UTS2: variants seen among roughly 807,000 people sequenced by gnomAD.
UTS2 encodes the protein urotensin-2.
A neutral mutation model predicts 12.6 loss-of-function variants in UTS2; 10 were observed. The ratio of observed to expected loss-of-function variants is 0.80; its 90% confidence interval spans 0.49 to 1.35. The LOEUF (loss-of-function observed/expected upper bound fraction) is 1.35. Ranked by LOEUF, UTS2 falls within the 40% of genes most tolerant of loss-of-function variation. UTS2 has a pLI of 0.00. For synonymous variants in UTS2, 52 were observed against 50.0 expected (o/e 1.04, Z -0.17); for missense variants, 142 against 143.2 (o/e 0.99, Z 0.04).
chr1:7,887,035 C>G, the UTS2 span, among the ~76,000 whole-genome samples: 2 of 95,134 alleles, frequency 2.1e-5, no homozygotes, highest in East Asian at 6.0e-4. Context: ...GGCAAGACTC[C>G]GTCTCAAAAA....
chr1:7,862,162 C>T, the UTS2 span, among the ~76,000 whole-genome samples: 13 of 152,030 alleles, frequency 8.6e-5, no homozygotes, highest in Admixed American at 3.9e-4. Context: ...ATTCCCCCCC[C>T]GCCCCCGCAA....
chr1:7,871,878 C>T, the UTS2 span, among the ~76,000 whole-genome samples: 2 of 127,192 alleles, frequency 1.6e-5, no homozygotes, highest in African/African-American at 6.7e-5. Flanking sequence ...CTCTCCCTCT[C>T]CTTGGGCCTC....
At chr1:7,866,225 C>T in the UTS2 span, among the ~76,000 whole-genome samples, 1,309 of 152,274 alleles carry the variant, frequency 8.6e-3, 18 homozygotes, top group African/African-American at 0.03. The surrounding 1 kb of genome is among the most constrained non-coding windows in gnomAD (Gnocchi z 4.5). Flanking sequence ...TGACCTGGCT[C>T]GCCCATCTGG....
chr1:7,892,702 G>A, the UTS2 span, among the ~76,000 whole-genome samples: 8 of 151,646 alleles, frequency 5.3e-5, no homozygotes, highest in Admixed American at 1.3e-4. Flanking sequence ...GCCCAGACCG[G>A]TCTCAAACTC....
the UTS2 span, among the ~76,000 whole-genome samples, chr1:7,864,689 TC>T: frequency 6.6e-6 from 1 of 152,180 alleles, no homozygotes; most frequent in African/African-American, 2.4e-5. Flanking sequence ...ATTCGCACCT[TC>T]CCGTCTCCTT....
the UTS2 span, among the ~76,000 whole-genome samples, chr1:7,889,830 G>T: frequency 6.6e-6 from 1 of 152,122 alleles, no homozygotes; most frequent in Non-Finnish European, 1.5e-5. Context: ...ACTTTGGGAG[G>T]CCAAGGCGGG....
At chr1:7,899,068 A>G in the UTS2 span, among the ~76,000 whole-genome samples, 18,409 of 152,100 alleles carry the variant, frequency 0.12, 2,468 homozygotes, top group East Asian at 0.56. Flanking sequence ...TACATGGCCA[A>G]AACAGGAGGA....
the UTS2 span, among the ~76,000 whole-genome samples, chr1:7,874,808 G>A: frequency 6.6e-6 from 1 of 152,186 alleles, no homozygotes; most frequent in African/African-American, 2.4e-5. Flanking sequence ...TACAGGGGCG[G>A]TTTCCTCCAT....
Position 7,847,779 on chromosome 1 carries a change from T to G in UTS2, c.362A>C (p.Lys121Thr), listed in dbSNP as rs1274022531. 1 of 1,612,604 alleles carries G rather than the reference T, an allele frequency of 6.2e-7. No homozygotes were observed. The highest frequency in any genetic ancestry group is 1.7e-5 in the Admixed American group (1 of 59,940). The change falls in exon 4 of 4, where the codon AAA (lysine) becomes ACA (threonine). Residue 121 changes from lysine to threonine, a missense_variant. Coordinates refer to ENST00000361696, the MANE Select transcript of UTS2 (RefSeq NM_006786.4). ...GCTTATTTCACTTCAGACACAGTAT[T>G]TCCAGAAGCAATCAGGAGTCTCACG... is the stretch of plus-strand genomic sequence containing the variant. The part of the protein sequence containing the change: ...KKRETPDCFW[K>T]YCV
chr1:7,901,340 G>A, the UTS2 span, among the ~76,000 whole-genome samples: 4 of 152,284 alleles, frequency 2.6e-5, no homozygotes, highest in East Asian at 1.9e-4. Flanking sequence ...GGGATTTGTT[G>A]TTTCATTAAA....
the UTS2 span, among the ~76,000 whole-genome samples, chr1:7,895,370 A>C: frequency 0.011 from 1,320 of 124,396 alleles, 16 homozygotes; most frequent in African/African-American, 0.042. Context: ...ACTCCATCCC[A>C]AAAAAATAAA....
the UTS2 span, among the ~76,000 whole-genome samples, chr1:7,860,730 G>A: frequency 2.6e-5 from 4 of 151,732 alleles, no homozygotes; most frequent in East Asian, 2.0e-4. Context: ...CACCATGGTC[G>A]GACTAAATTA....
chr1:7,880,243 G>A, the UTS2 span, among the ~76,000 whole-genome samples: 1 of 152,052 alleles, frequency 6.6e-6, no homozygotes, highest in African/African-American at 2.4e-5. Flanking sequence ...GGGTGACAGA[G>A]CAAGACCCTG....
At chr1:7,859,318 A>G in the UTS2 span, among the ~76,000 whole-genome samples, 2 of 152,306 alleles carry the variant, frequency 1.3e-5, no homozygotes, top group Middle Eastern at 3.4e-3. Flanking sequence ...CTAGTCACCT[A>G]TATTTCAGAT....
upstream of UTS2, among the ~76,000 whole-genome samples, chr1:7,854,694 G>A (rs541277507): frequency 6.6e-6 from 1 of 152,138 alleles, no homozygotes; most frequent in Non-Finnish European, 1.5e-5. Context: ...GTACCTCAGG[G>A]TGACTCTGAT....
chr1:7,877,670 C>T, the UTS2 span, among the ~76,000 whole-genome samples: 58 of 152,008 alleles, frequency 3.8e-4, 1 homozygote, highest in Non-Finnish European at 7.4e-5. Flanking sequence ...GTCAGGAGTT[C>T]GAGACCAGCC....
chr1:7,857,544 G>A (rs1294931934), upstream of UTS2, among the ~76,000 whole-genome samples: 4 of 151,978 alleles, frequency 2.6e-5, no homozygotes, highest in Non-Finnish European at 1.5e-5. Flanking sequence ...AAAATAAAGG[G>A]ATTTTTTTCT....
chr1:7,878,581 C>T, the UTS2 span, among the ~76,000 whole-genome samples: 1 of 151,832 alleles, frequency 6.6e-6, no homozygotes, highest in African/African-American at 2.4e-5. Flanking sequence ...AGTTGCCTAC[C>T]TAAAATGTAT....
the UTS2 span, among the ~76,000 whole-genome samples, chr1:7,901,723 G>A: frequency 3.3e-5 from 5 of 152,016 alleles, no homozygotes; most frequent in East Asian, 7.7e-4. Flanking sequence ...AACGGACTTC[G>A]TGTGAGGAAA....
Sources: gnomAD v4.1 joint callset for allele counts (sites outside exome capture counted in the v4.1 genomes callset) on GRCh38, gnomAD v4.1.1 for gene constraint, Gnocchi (gnomAD v3.1) non-coding constraint, MANE v1.5 for transcripts, NCBI Gene and HGNC (gene_info 2026-07-23, HGNC 2026-07-21) for gene names.